Variants in SAMD9 observed in about 807,000 individuals in gnomAD.
SAMD9 encodes the protein sterile alpha motif domain-containing protein 9.
SAMD9 carries 3 observed loss-of-function variants against 1.5 expected under a neutral mutation model. The observed-to-expected ratio is 2.05, with a 90% CI of 0.93 to 5.29. The LOEUF is 5.29. Among genes scored for constraint, SAMD9 ranks in the 30% most tolerant of loss-of-function variants. The pLI is 0.02. For missense variants in SAMD9, 1,597 were observed against 1,820.8 expected, an observed-to-expected ratio of 0.88 and a Z score of 2.24; for synonymous variants, 635 against 631.9, an observed-to-expected ratio of 1.00 and a Z score of -0.07.
In SAMD9 at chr7:93,105,991, A is replaced by G; in HGVS notation, c.107T>C (p.Leu36Ser). Residue 36 changes from leucine to serine, a missense_variant, in exon 3 of 3, where the codon TTG becomes TCG. Leu to Ser is a moderately radical substitution (Grantham distance 145). This residue lies in a region of SAMD9 where 498 missense variants were observed against 457.4 expected (regional missense o/e 1.09). Coordinates refer to ENST00000379958, the MANE Select transcript of SAMD9 (RefSeq NM_017654.4). The stretch of plus-strand genomic sequence containing the variant: ...TGCTCCATTCACGTCTTGTTCAGTC[A>G]AAATTTCCCTGTGTTTTTGGTCAAT... Reference protein sequence around the residue: ...HKIDQKHREILTEQDVNGAVL... With the variant: ...HKIDQKHREISTEQDVNGAVL... 6.3e-7 allele frequency: 1 copy of G among 1,593,574 alleles called. No individual in the cohort carries two copies.
At chr7:93,111,850 T>C (rs1277795266) in intron 2 of SAMD9, among the ~76,000 whole-genome samples, 2 of 152,144 alleles carry the variant, frequency 1.3e-5, no homozygotes, top group Admixed American at 1.3e-4. Context: ...CAGGACCAGA[T>C]GGATTCACAG....
In SAMD9 at chr7:93,104,209, CT is replaced by C; in HGVS notation, c.1888del (p.Arg630GlyfsTer13). The C allele has an allele frequency of 6.2e-7, 1 of 1,613,884 alleles. No individual in the cohort carries two copies. Among genetic ancestry groups the C allele is most frequent in the Non-Finnish European group, 8.5e-7 (1 of 1,179,828 alleles). ...CGATAAACCAATAGATGGCAAAAGCCTTTTTGAAGATTGAGTCACAGATTTT... is the reference window on the plus strand; with the variant it reads ...CGATAAACCAATAGATGGCAAAAGCCTTTTGAAGATTGAGTCACAGATTTT... ...KLKSVTQSSK[R>X]LLPSIGLSTV... On this transcript the variant is annotated frameshift_variant, in exon 3 of 3. Coordinates refer to ENST00000379958, the MANE Select transcript of SAMD9 (RefSeq NM_017654.4). LOFTEE classifies it low-confidence loss of function (END_TRUNC).
rs1460994810 is a variant in SAMD9 at position 93,101,706 on chromosome 7, G to C, written c.4392C>G (p.Phe1464Leu). The C allele has an allele frequency of 6.2e-7, 1 of 1,613,618 alleles. No homozygotes were observed. The highest frequency in any genetic ancestry group is 1.7e-5 in the Admixed American group (1 of 59,968). The stretch of plus-strand genomic sequence containing the variant: ...GATGCATATGTTTATATTGCCCCTT[G>C]AAAGAATTTTTTAGTGCTTGAGCAT... ...KEYAQALKNS[F>L]KGQYKHMHRT... The change falls in exon 3 of 3, where the codon TTC becomes TTG. Residue 1464 changes from phenylalanine to leucine, a missense_variant. Around this residue, in one of 6 missense-constraint regions of SAMD9, gnomAD observed 682 missense variants for 810.0 expected, o/e 0.84. Transcript: ENST00000379958.
At chr7:93,114,677 A>C (rs1054800615) in intron 2 of SAMD9, 118 bp downstream of exon 2, 21 of 152,216 alleles carry the variant, frequency 1.4e-4, no homozygotes, top group African/African-American at 5.1e-4. Context: ...TAACCAAAAA[A>C]TAAAAAAGAA....
At chr7:93,117,812 A>G (rs769152737) in intron 1 of SAMD9, 51 bp downstream of exon 1, 6 of 152,196 alleles carry the variant, frequency 3.9e-5, no homozygotes, top group Non-Finnish European at 5.9e-5. Context: ...TATTCAATAA[A>G]ATGCTGCTAT....
intron 1 of SAMD9, among the ~76,000 whole-genome samples, chr7:93,116,410 A>G (rs1332693551): frequency 2.0e-5 from 3 of 152,222 alleles, no homozygotes; most frequent in African/African-American, 7.2e-5. Context: ...TGTTTTCTCT[A>G]CTAGAGACAC....
At chr7:93,116,747 G>A (rs1237098613) in intron 1 of SAMD9, among the ~76,000 whole-genome samples, 1 of 152,128 alleles carries the variant, frequency 6.6e-6, no homozygotes, top group Admixed American at 6.5e-5. Context: ...GGGAGAAAAG[G>A]TGAAATGAGG....
intron 2 of SAMD9, among the ~76,000 whole-genome samples, chr7:93,111,246 C>T (rs1791737350): frequency 6.6e-6 from 1 of 152,134 alleles, no homozygotes; most frequent in African/African-American, 2.4e-5. Context: ...TAAAGATGTT[C>T]TTTGAAACCA....
chr7:93,110,343 C>A (rs1393610095), intron 2 of SAMD9, among the ~76,000 whole-genome samples: 2 of 152,228 alleles, frequency 1.3e-5, no homozygotes, highest in African/African-American at 4.8e-5. Context: ...GTACCAGCCA[C>A]TGCAAAAACA....
At chr7:93,112,168 C>T (rs1295067710) in intron 2 of SAMD9, among the ~76,000 whole-genome samples, 7 of 152,146 alleles carry the variant, frequency 4.6e-5, no homozygotes, top group Admixed American at 1.3e-4. Flanking sequence ...AATCAATAAA[C>T]GTAATCCATC....
chr7:93,110,138 G>T (rs910880298), intron 2 of SAMD9, among the ~76,000 whole-genome samples: 1 of 152,224 alleles, frequency 6.6e-6, no homozygotes, highest in Non-Finnish European at 1.5e-5. Context: ...CCAGAAGAGA[G>T]TGGGGGCCAA....
chr7:93,103,269 T>G lies in SAMD9; in HGVS notation c.2829A>C (p.Gly943=), dbSNP rs909447191. 4 of 1,613,696 alleles carry G rather than the reference T, an allele frequency of 2.5e-6. No homozygotes were observed. Among genetic ancestry groups the G allele is most frequent in the Non-Finnish European group, 3.4e-6 (4 of 1,179,740 alleles). Reference sequence around the variant, plus strand: ...CCCAGAAAGCCTTCTTGTTTCCAATTCCTAAGAATTTTTCACACTGTGATA... The same window carrying G: ...CCCAGAAAGCCTTCTTGTTTCCAATGCCTAAGAATTTTTCACACTGTGATA... ...ISLSQCEKFL[G]IGNKKAFWGT... is the part of the protein sequence containing the mutation. Residue 943 remains glycine, a synonymous_variant, in exon 3 of 3, where the codon GGA becomes GGC. Coordinates refer to ENST00000379958, the MANE Select transcript of SAMD9 (RefSeq NM_017654.4).
chr7:93,111,448 A>T (rs1390407177), intron 2 of SAMD9, among the ~76,000 whole-genome samples: 5 of 152,198 alleles, frequency 3.3e-5, no homozygotes, highest in African/African-American at 7.2e-5. Flanking sequence ...GCAAGAAATA[A>T]CTAAGATCAG....
Position 93,101,293 on chromosome 7 carries a change from T to G in SAMD9, c.*35A>C. ...GAGTCCAAAAAAATTAAATGGGTAC[T>G]GAGATCAAATTCTTGGAGGAAGAAT... On this transcript the variant is annotated 3_prime_UTR_variant, in exon 3 of 3. Coordinates refer to ENST00000379958, the MANE Select transcript of SAMD9 (RefSeq NM_017654.4). 3.2e-6 allele frequency: 5 copies of G among 1,566,440 alleles called. No homozygotes were observed. Among genetic ancestry groups the G allele is most frequent in the African/African-American group, 1.3e-5 (1 of 74,226 alleles).
In SAMD9 at chr7:93,102,387, A is replaced by T; in HGVS notation, c.3711T>A (p.Asp1237Glu). 1 of 1,609,740 alleles carries T rather than the reference A, an allele frequency of 6.2e-7. No homozygotes were observed. Among genetic ancestry groups the T allele is most frequent in the South Asian group, 1.1e-5 (1 of 90,910 alleles). Residue 1237 changes from aspartate to glutamate, a missense_variant, in exon 3 of 3, where the codon GAT (aspartate) becomes GAA (glutamate). Physicochemically the swap from Asp to Glu is conservative, Grantham distance 45. Coordinates refer to ENST00000379958, the MANE Select transcript of SAMD9 (RefSeq NM_017654.4). Reference protein sequence around the residue: ...YMVNFVSGSSDIPGDPNNEYK... With the variant: ...YMVNFVSGSSEIPGDPNNEYK... The stretch of plus-strand genomic sequence containing the variant: ...ATTCATTGTTTGGATCCCCTGGAAT[A>T]TCACTACTTCCTGATACAAAATTGA...
chr7:93,111,510 A>T (rs1217353224), intron 2 of SAMD9, among the ~76,000 whole-genome samples: 1 of 152,234 alleles, frequency 6.6e-6, no homozygotes, highest in Non-Finnish European at 1.5e-5. Context: ...AAAATCAATG[A>T]ATCCAGGAGC....
Position 93,102,840 on chromosome 7 carries a change from T to G in SAMD9, c.3258A>C (p.Gln1086His). The change falls in exon 3 of 3, where the codon CAA becomes CAC. Residue 1086 changes from glutamine (Q) to histidine (H), a missense_variant. Physicochemically the swap from Gln to His is conservative, Grantham distance 24. Around this residue, in one of 6 missense-constraint regions of SAMD9, gnomAD observed 682 missense variants for 810.0 expected, o/e 0.84. Transcript: ENST00000379958. ...TAATGTAGAAATGTCTTGCCAACGCTTGGCAAATGAATGCATTTGGGTTGA... is the reference window on the plus strand; with the variant it reads ...TAATGTAGAAATGTCTTGCCAACGCGTGGCAAATGAATGCATTTGGGTTGA... ...HRFNPNAFIC[Q>H]ALARHFYIKK... 1 of 1,613,870 alleles carries G rather than the reference T, an allele frequency of 6.2e-7. No individual in the cohort carries two copies. Among genetic ancestry groups the G allele is most frequent in the Non-Finnish European group, 8.5e-7 (1 of 1,179,790 alleles).
intron 2 of SAMD9, among the ~76,000 whole-genome samples, chr7:93,109,460 A>G (rs1347137699): frequency 6.6e-6 from 1 of 151,738 alleles, no homozygotes; most frequent in African/African-American, 2.4e-5. Context: ...AATGACTTCT[A>G]TGAGATGAGA....
intron 2 of SAMD9, among the ~76,000 whole-genome samples, chr7:93,112,781 C>G (rs556383076): frequency 6.6e-6 from 1 of 152,300 alleles, no homozygotes; most frequent in East Asian, 1.9e-4. Flanking sequence ...GAACTACAAA[C>G]TACTGCTCAA....
Sources: gnomAD v4.1 joint callset for allele counts (sites outside exome capture counted in the v4.1 genomes callset) on GRCh38, gnomAD v4.1.1 for gene constraint, gnomAD v4.1.1 regional missense constraint, MANE v1.5 for transcripts, NCBI Gene and HGNC (gene_info 2026-07-23, HGNC 2026-07-21) for gene names.